The following NECAB1 variants were observed in gnomAD, a reference collection of about 807,000 sequenced individuals.
NECAB1 encodes N-terminal EF-hand calcium binding protein 1.
NECAB1 carries 29 observed loss-of-function variants against 57.5 expected under a neutral mutation model. That is an observed-to-expected ratio of 0.50 (90% CI 0.38 to 0.69). The LOEUF (loss-of-function observed/expected upper bound fraction) is 0.69. Among genes scored for constraint, NECAB1 ranks in the 30% least tolerant of loss-of-function variants. NECAB1 has a pLI of 0.00. For synonymous variants in NECAB1, 142 were observed against 147.7 expected, an observed-to-expected ratio of 0.96 and a Z score of 0.28; for missense variants, 372 against 413.8, an observed-to-expected ratio of 0.90 and a Z score of 0.88.
intron 3 of NECAB1, among the ~76,000 whole-genome samples, chr8:90,868,017 A>T (rs967996940): frequency 6.6e-6 from 1 of 152,000 alleles, no homozygotes; most frequent in Non-Finnish European, 1.5e-5. Flanking sequence ...TGTTCTTGTG[A>T]TTGTGAGTGA....
intron 3 of NECAB1, among the ~76,000 whole-genome samples, chr8:90,856,364 T>G (rs1420014586): frequency 6.6e-6 from 1 of 152,024 alleles, no homozygotes; most frequent in Non-Finnish European, 1.5e-5. Context: ...TAAGTCTGAG[T>G]CTGAGAAATG....
chr8:90,917,404 T>C (rs1383867244), intron 5 of NECAB1, 88 bp from the exon 6 acceptor site: 2 of 1,177,094 alleles, frequency 1.7e-6, no homozygotes, highest in Non-Finnish European at 2.3e-6. Context: ...CAATCTGGGA[T>C]TGATGGGTAC....
intron 3 of NECAB1, among the ~76,000 whole-genome samples, chr8:90,859,762 C>T (rs12549909): frequency 0.46 from 70,218 of 151,982 alleles, 19,676 homozygotes; most frequent in East Asian, 0.77. Context: ...TTCAGCACTA[C>T]TCAGCCAATT....
intron 8 of NECAB1, among the ~76,000 whole-genome samples, chr8:90,929,475 T>C (rs1470712512): frequency 1.3e-5 from 2 of 152,144 alleles, no homozygotes; most frequent in South Asian, 2.1e-4. Context: ...CAGATCTAAA[T>C]AGCAAGAAAT....
intron 7 of NECAB1, among the ~76,000 whole-genome samples, chr8:90,927,269 G>T (rs1335322179): frequency 8.2e-6 from 1 of 122,248 alleles, no homozygotes. Flanking sequence ...ATCATAATTT[G>T]GTGGGCCTTG....
intron 5 of NECAB1, among the ~76,000 whole-genome samples, chr8:90,891,810 C>T (rs1236217842): frequency 6.6e-6 from 1 of 152,046 alleles, no homozygotes; most frequent in African/African-American, 2.4e-5. Flanking sequence ...TCTCCTGCCT[C>T]AGCCTCCCAA....
chr8:90,804,066 G>A (rs1387033304), intron 2 of NECAB1, among the ~76,000 whole-genome samples: 1 of 152,186 alleles, frequency 6.6e-6, no homozygotes, highest in African/African-American at 2.4e-5. Context: ...TCTAAGCCAA[G>A]CGTGCCTCTC....
intron 10 of NECAB1, among the ~76,000 whole-genome samples, chr8:90,944,279 T>C (rs1454554731): frequency 2.0e-5 from 3 of 152,224 alleles, no homozygotes; most frequent in African/African-American, 7.2e-5. Context: ...GGTCTTGCTT[T>C]CTTAAATTCA....
intron 3 of NECAB1, among the ~76,000 whole-genome samples, chr8:90,868,543 G>A: frequency 6.6e-6 from 1 of 152,196 alleles, no homozygotes; most frequent in Non-Finnish European, 1.5e-5. Flanking sequence ...CCAAGTTACT[G>A]ACAGCATTGT....
At chr8:90,874,226 G>C (rs1022088174) in intron 4 of NECAB1, among the ~76,000 whole-genome samples, 4 of 152,210 alleles carry the variant, frequency 2.6e-5, no homozygotes, top group East Asian at 3.9e-4. Context: ...GCGTGGGAGG[G>C]GCAGAACTTG....
At chr8:90,913,594 T>C (rs1210761995) in intron 5 of NECAB1, among the ~76,000 whole-genome samples, 1 of 152,222 alleles carries the variant, frequency 6.6e-6, no homozygotes, top group Non-Finnish European at 1.5e-5. Context: ...AAGGAATGCA[T>C]GCCTTATGCC....
At chr8:90,920,159 C>T (rs941155647) in intron 6 of NECAB1, among the ~76,000 whole-genome samples, 1 of 152,118 alleles carries the variant, frequency 6.6e-6, no homozygotes, top group Non-Finnish European at 1.5e-5. Flanking sequence ...TGTCTGACTG[C>T]AGTTTAAGGG....
At chr8:90,816,330 C>T (rs1812061169) in intron 2 of NECAB1, among the ~76,000 whole-genome samples, 1 of 151,752 alleles carries the variant, frequency 6.6e-6, no homozygotes, top group Non-Finnish European at 1.5e-5. Flanking sequence ...AACAGTTTCC[C>T]CTCCTCACAG....
At position 90,958,897 on chromosome 8, in the gene NECAB1, A is replaced by G; in HGVS notation, c.*3385A>G. The G allele has an allele frequency of 6.3e-6, 4 of 638,474 alleles. No homozygotes were observed. Among genetic ancestry groups the G allele is most frequent in the Non-Finnish European group, 1.0e-5 (4 of 390,656 alleles). 39.6% of individuals were successfully genotyped at this position (638,474 alleles called of 1,614,324 possible). ...TCATTTTTAGAGAAGTCAAATAGCC[A>G]ACCATCAAAATTAAGAATAAATTGA... is the stretch of plus-strand genomic sequence containing the variant. On this transcript the variant is annotated 3_prime_UTR_variant, in exon 13 of 13. Coordinates refer to ENST00000417640, the MANE Select transcript of NECAB1 (RefSeq NM_022351.5).
rs762272489 is a variant in NECAB1, at chr8:90,949,826, T to A, written c.880T>A (p.Ser294Thr). 1 of 1,606,574 alleles carries A rather than the reference T, an allele frequency of 6.2e-7. No homozygotes were observed. The highest frequency in any genetic ancestry group is 1.3e-5 in the African/African-American group (1 of 74,822). ...GCLRISIQKL[S>T]NESRYMIYEF... is the part of the protein sequence containing the mutation. The stretch of plus-strand genomic sequence containing the variant: ...TTTCAGTATTTCTATACAGAAGCTT[T>A]CAAATGAATCTCGCTACATGATCTA... The change falls in exon 11 of 13, where the codon TCA (serine) becomes ACA (threonine). Residue 294 changes from serine to threonine, a missense_variant. Transcript: ENST00000417640.
At chr8:90,893,488 G>A (rs1232130096) in intron 5 of NECAB1, among the ~76,000 whole-genome samples, 1 of 152,172 alleles carries the variant, frequency 6.6e-6, no homozygotes, top group Non-Finnish European at 1.5e-5. Context: ...AGGGAAGAGC[G>A]ACTTGGCGAC....
chr8:90,794,105 C>CA (rs988614850), intron 1 of NECAB1, among the ~76,000 whole-genome samples: 15 of 151,490 alleles, frequency 9.9e-5, no homozygotes, highest in Non-Finnish European at 2.2e-4. Flanking sequence ...CTAGAGTCTA[C>CA]AAAAAAAACC....
In NECAB1 at chr8:90,803,090, T is replaced by A. The variant is rs1811788561; in HGVS notation, c.124+1375T>A. The stretch of plus-strand genomic sequence containing the variant: ...TTTTGTATTTTTAGTAGTGACAGTG[T>A]TTCACCATGTTGGCCAGGCTAGTCT... On this transcript the variant is annotated intron_variant, in intron 2 of 12. Coordinates refer to ENST00000417640, the MANE Select transcript of NECAB1 (RefSeq NM_022351.5). Among the ~76,000 whole-genome samples, 4 of 152,084 alleles carry A rather than the reference T, an allele frequency of 2.6e-5. No homozygotes were observed. In the South Asian group the frequency reaches 8.3e-4, roughly 32 times the overall value.
At chr8:90,865,591 A>C (rs756087126) in intron 3 of NECAB1, among the ~76,000 whole-genome samples, 3 of 152,148 alleles carry the variant, frequency 2.0e-5, no homozygotes, top group Non-Finnish European at 4.4e-5. Context: ...CTGACAACTG[A>C]GTATTTATCT....
Sources: allele counts gnomAD v4.1 joint callset (sites outside exome capture counted in the v4.1 genomes callset), GRCh38; gene constraint gnomAD v4.1.1; transcripts MANE v1.5; gene names NCBI Gene and HGNC (gene_info 2026-07-23, HGNC 2026-07-21).